The following BLK variants were observed in gnomAD, a reference collection of about 807,000 sequenced individuals.
BLK encodes BLK proto-oncogene, Src family tyrosine kinase.
Under a neutral mutation model 61.8 loss-of-function variants are expected in BLK, and 64 were observed. The observed-to-expected ratio is 1.03, with a 90% CI of 0.85 to 1.27. The LOEUF (loss-of-function observed/expected upper bound fraction) is 1.27. Ranked by LOEUF, BLK falls within the 50% of genes most tolerant of loss-of-function variation. The probability of loss-of-function intolerance (pLI) is 0.00; values close to 1 mark genes in which losing one functional copy is unlikely to be tolerated. For missense variants in BLK, 853 were observed against 660.5 expected, an observed-to-expected ratio of 1.29 and a Z score of -3.19; for synonymous variants, 351 against 272.0, an observed-to-expected ratio of 1.29 and a Z score of -2.86.
rs1340838299 is a variant in BLK at position 11,564,304 on chromosome 8, G to A, written c.*196G>A. 2 of 734,254 alleles carry A rather than the reference G, an allele frequency of 2.7e-6. No individual in the cohort carries two copies. Among genetic ancestry groups the A allele is most frequent in the East Asian group, 2.7e-5 (1 of 37,182 alleles). The allele number at this position is 734,254 out of a possible 1,614,324, so 45.5% of individuals were successfully genotyped here. On this transcript the variant is annotated 3_prime_UTR_variant, in exon 13 of 13. Transcript: ENST00000259089. ...GACTGCACCCCCGGGCGAGTTACGC[G>A]GCCTCTCTGTGCCGCTTCATTTGTA...
intron 1 of BLK, among the ~76,000 whole-genome samples, chr8:11,527,001 G>A (rs753128406): frequency 2.6e-5 from 4 of 152,030 alleles, no homozygotes; most frequent in Non-Finnish European, 2.9e-5. Flanking sequence ...GGTCACACTC[G>A]GCTATCCTTA....
chr8:11,543,300 C>T lies in BLK; in HGVS notation c.76C>T (p.Leu26=), dbSNP rs199658024. ...GAAGGACAAGGGCCAATGGAGCCCCCTGAAGGTCAGCGCCCAAGACAAGGA... is the reference window on the plus strand; with the variant it reads ...GAAGGACAAGGGCCAATGGAGCCCCTTGAAGGTCAGCGCCCAAGACAAGGA... The part of the protein sequence containing the change: ...KEKDKGQWSP[L]KVSAQDKDAP... Residue 26 remains leucine (L), a synonymous_variant, in exon 2 of 13, where the codon CTG becomes TTG. Coordinates refer to ENST00000259089, the MANE Select transcript of BLK (RefSeq NM_001715.3). The T allele has an allele frequency of 6.2e-7, 1 of 1,613,822 alleles. No homozygotes were observed. Among genetic ancestry groups the T allele is most frequent in the African/African-American group, 1.3e-5 (1 of 75,044 alleles).
At chr8:11,530,073 T>C (rs1244506043) in intron 1 of BLK, among the ~76,000 whole-genome samples, 1 of 152,234 alleles carries the variant, frequency 6.6e-6, no homozygotes, top group Non-Finnish European at 1.5e-5. Flanking sequence ...ATTTGCAAAA[T>C]AAGCTTGCCT....
At chr8:11,505,150 C>T (rs1443216746) in intron 1 of BLK, among the ~76,000 whole-genome samples, 1 of 152,132 alleles carries the variant, frequency 6.6e-6, no homozygotes, top group Non-Finnish European at 1.5e-5. Flanking sequence ...AAAACAACAG[C>T]AAAACCACCT....
chr8:11,495,473 A>G (rs553356615), intron 1 of BLK, among the ~76,000 whole-genome samples: 1 of 152,316 alleles, frequency 6.6e-6, no homozygotes, highest in Non-Finnish European at 1.5e-5. Flanking sequence ...TCACCAAGGG[A>G]CCAAGCTTAG....
intron 1 of BLK, among the ~76,000 whole-genome samples, chr8:11,511,513 T>G (rs1799008032): frequency 2.0e-5 from 3 of 152,198 alleles, no homozygotes; most frequent in Non-Finnish European, 4.4e-5. Context: ...TAAAAAAGTT[T>G]GATTTGCTTT....
intron 1 of BLK, among the ~76,000 whole-genome samples, chr8:11,525,172 G>A (rs975535621): frequency 3.9e-5 from 6 of 152,180 alleles, no homozygotes; most frequent in Non-Finnish European, 7.3e-5. Context: ...CTTTTCTAAT[G>A]TTGCTCAGAG....
chr8:11,494,755 C>G (rs1411256630), intron 1 of BLK, among the ~76,000 whole-genome samples, 164 bp downstream of exon 1: 2 of 152,160 alleles, frequency 1.3e-5, no homozygotes, highest in African/African-American at 4.8e-5. Context: ...ATAGATTGCT[C>G]CATGGTTTGT....
At chr8:11,533,936 G>T (rs1006937302) in intron 1 of BLK, among the ~76,000 whole-genome samples, 10 of 152,338 alleles carry the variant, frequency 6.6e-5, no homozygotes, top group African/African-American at 2.4e-4. Flanking sequence ...TCAAAGGAGG[G>T]AATGCCCCGT....
intron 1 of BLK, among the ~76,000 whole-genome samples, chr8:11,529,374 G>T (rs796714160): frequency 6.6e-6 from 1 of 152,136 alleles, no homozygotes; most frequent in Non-Finnish European, 1.5e-5. Flanking sequence ...GTGCTGATTG[G>T]TTGGGTCAGA....
At chr8:11,536,519 T>C (rs1800139373) in intron 1 of BLK, among the ~76,000 whole-genome samples, 1 of 152,166 alleles carries the variant, frequency 6.6e-6, no homozygotes, top group Non-Finnish European at 1.5e-5. Flanking sequence ...ACCTCCCAAG[T>C]AGCTGGGATT....
At chr8:11,537,022 GC>G (rs1297210566) in intron 1 of BLK, among the ~76,000 whole-genome samples, 8 of 152,202 alleles carry the variant, frequency 5.3e-5, no homozygotes, top group Non-Finnish European at 8.8e-5. Flanking sequence ...AATGTCTGTG[GC>G]TGAATGAATA....
At chr8:11,536,838 G>C (rs1351699859) in intron 1 of BLK, among the ~76,000 whole-genome samples, 2 of 152,208 alleles carry the variant, frequency 1.3e-5, no homozygotes, top group African/African-American at 4.8e-5. Flanking sequence ...TTTTTGCTGA[G>C]CTCACAAAAC....
chr8:11,528,194 G>A (rs1799746366), intron 1 of BLK, among the ~76,000 whole-genome samples: 1 of 151,982 alleles, frequency 6.6e-6, no homozygotes. Context: ...ATGCCTCCAT[G>A]CCTGGCTAAT....
At position 11,561,555 on chromosome 8, in the gene BLK, C is replaced by T. The variant is rs1254738417; in HGVS notation, c.1180+103C>T. ...CCAGCACAGCCCTGAGGGAAGACACCTGAGGGCTATACGGTTTCTACAGCT... is the reference window on the plus strand; with the variant it reads ...CCAGCACAGCCCTGAGGGAAGACACTTGAGGGCTATACGGTTTCTACAGCT... On this transcript the variant is annotated intron_variant, in intron 11 of 12. Transcript: ENST00000259089. 1.4e-5 allele frequency: 20 copies of T among 1,427,932 alleles called. No individual in the cohort carries two copies. In the Admixed American group the frequency reaches 1.6e-4, roughly 11 times the overall value. The allele number at this position is 1,427,932 out of a possible 1,614,324, so 88.5% of individuals were successfully genotyped here. A position where few individuals can be genotyped will look rare whatever the true frequency, so the allele number is the denominator to read the frequency against.
chr8:11,540,384 T>C (rs377125685), intron 1 of BLK, among the ~76,000 whole-genome samples: 5 of 152,336 alleles, frequency 3.3e-5, no homozygotes, highest in South Asian at 4.1e-4. Flanking sequence ...GCTCTGATGA[T>C]TGTTGTCTAC....
intron 9 of BLK, 29 bp from the exon 10 acceptor site, chr8:11,557,933 A>G: frequency 6.2e-7 from 1 of 1,610,736 alleles, no homozygotes; most frequent in Non-Finnish European, 8.5e-7. Context: ...CACTTTGCAG[A>G]AGGGCACTTG....
intron 11 of BLK, 31 bp downstream of exon 11, chr8:11,561,483 C>G (rs747954528): frequency 6.2e-7 from 1 of 1,609,982 alleles, no homozygotes; most frequent in East Asian, 2.2e-5. Flanking sequence ...CAAGGGAAAC[C>G]TAGGGCCTTA....
In BLK at chr8:11,548,100, G is replaced by C. The variant is rs369654647; in HGVS notation, c.244G>C (p.Gly82Arg). Residue 82 changes from glycine to arginine, a missense_variant, in exon 4 of 13, where the codon GGG (glycine) becomes CGG (arginine). Coordinates refer to ENST00000259089, the MANE Select transcript of BLK (RefSeq NM_001715.3). Reference sequence around the variant, plus strand: ...TGATCGGGACCTGCAGATGCTGAAGGGGGAGAAGCTACAGGTCCTGAAGGG... The same window carrying C: ...TGATCGGGACCTGCAGATGCTGAAGCGGGAGAAGCTACAGGTCCTGAAGGG... Reference protein sequence around the residue: ...MNDRDLQMLKGEKLQVLKGTG... With the variant: ...MNDRDLQMLKREKLQVLKGTG... The C allele has an allele frequency of 1.4e-5, 23 of 1,613,718 alleles. No individual in the cohort carries two copies. The African/African-American group carries it at 2.7e-4, about 19-fold the overall frequency.
Sources: gnomAD v4.1 joint callset for allele counts (sites outside exome capture counted in the v4.1 genomes callset) on GRCh38, gnomAD v4.1.1 for gene constraint, MANE v1.5 for transcripts, NCBI Gene and HGNC (gene_info 2026-07-23, HGNC 2026-07-21) for gene names.